Variants in PLCL1 observed in about 807,000 individuals in gnomAD.
PLCL1 encodes the protein inactive phospholipase C-like protein 1.
In PLCL1, 41 loss-of-function variants were observed where a neutral mutation model predicts 84.4. The observed-to-expected ratio is 0.49, with a 90% CI of 0.38 to 0.63. The LOEUF (loss-of-function observed/expected upper bound fraction) is 0.63. PLCL1 is among the 30% of genes least tolerant of loss of function. PLCL1 has a pLI of 0.00. For missense variants in PLCL1, 1,206 were observed against 1,367.8 expected (o/e 0.88, Z 1.87); for synonymous variants, 490 against 488.3 (o/e 1.00, Z -0.05).
chr2:198,032,727 T>C (rs1004959448), intron 1 of PLCL1, among the ~76,000 whole-genome samples: 1 of 152,206 alleles, frequency 6.6e-6, no homozygotes, highest in Non-Finnish European at 1.5e-5. Flanking sequence ...TTTGAAATTT[T>C]ATTTATTCAG....
At chr2:197,967,978 T>C (rs1314468554) in intron 1 of PLCL1, among the ~76,000 whole-genome samples, 2 of 152,146 alleles carry the variant, frequency 1.3e-5, no homozygotes, top group Non-Finnish European at 2.9e-5. Flanking sequence ...TCTAGTAGCT[T>C]CCCCCTGGTG....
chr2:198,131,887 G>A (rs974507221), intron 5 of PLCL1, among the ~76,000 whole-genome samples: 10 of 152,192 alleles, frequency 6.6e-5, no homozygotes, highest in Admixed American at 6.6e-5. Context: ...AGAAAGAAGA[G>A]GAGCCACTGA....
intron 1 of PLCL1, among the ~76,000 whole-genome samples, chr2:197,926,633 A>C (rs1174210272): frequency 6.6e-6 from 1 of 152,226 alleles, no homozygotes. Context: ...TAAGATCAAA[A>C]GTAGTATTTT....
chr2:197,833,642 G>A (rs1351721697), intron 1 of PLCL1, among the ~76,000 whole-genome samples: 1 of 151,912 alleles, frequency 6.6e-6, no homozygotes, highest in Non-Finnish European at 1.5e-5. Flanking sequence ...ACCTCTTCAA[G>A]GAGGACTACA....
intron 1 of PLCL1, among the ~76,000 whole-genome samples, chr2:197,891,426 G>A (rs1688025306): frequency 6.6e-6 from 1 of 152,158 alleles, no homozygotes; most frequent in Non-Finnish European, 1.5e-5. Context: ...GTCAAGGGTG[G>A]GGCCTCAGGT....
intron 1 of PLCL1, among the ~76,000 whole-genome samples, chr2:197,900,331 AT>A (rs1009794897): frequency 6.6e-6 from 1 of 152,232 alleles, no homozygotes; most frequent in Non-Finnish European, 1.5e-5. Context: ...TTTAGGTGAA[AT>A]GGAGCTAAAG....
chr2:198,072,498 C>G (rs1292209020), intron 1 of PLCL1, among the ~76,000 whole-genome samples: 1 of 151,592 alleles, frequency 6.6e-6, no homozygotes, highest in African/African-American at 2.4e-5. Context: ...GCTTAACTAT[C>G]CAAAATTATA....
At chr2:198,016,487 A>G (rs533093536) in intron 1 of PLCL1, among the ~76,000 whole-genome samples, 1 of 152,310 alleles carries the variant, frequency 6.6e-6, no homozygotes, top group South Asian at 2.1e-4. Context: ...GCTGCAGTCT[A>G]GTGGAAATAT....
intron 5 of PLCL1, among the ~76,000 whole-genome samples, chr2:198,116,382 A>T (rs550776736): frequency 6.6e-6 from 1 of 151,940 alleles, no homozygotes; most frequent in African/African-American, 2.4e-5. Flanking sequence ...TCCATACATT[A>T]TTGATACTTT....
chr2:197,980,780 G>C (rs1395510698), intron 1 of PLCL1, among the ~76,000 whole-genome samples: 7 of 152,232 alleles, frequency 4.6e-5, no homozygotes, highest in Admixed American at 3.9e-4. Flanking sequence ...TTATGTGTCA[G>C]GGCCTGTCCT....
At chr2:198,040,464 C>T (rs1162733598) in intron 1 of PLCL1, among the ~76,000 whole-genome samples, 1 of 152,086 alleles carries the variant, frequency 6.6e-6, no homozygotes, top group African/African-American at 2.4e-5. Context: ...TCTTCTTTCT[C>T]CTGGTGGAGA....
chr2:197,985,147 G>C (rs1188949473), intron 1 of PLCL1, among the ~76,000 whole-genome samples: 5 of 152,172 alleles, frequency 3.3e-5, no homozygotes. Flanking sequence ...GGTAGGATCA[G>C]AGCAACCTAG....
chr2:197,818,704 TG>T (rs1690742389), intron 1 of PLCL1, among the ~76,000 whole-genome samples: 1 of 152,068 alleles, frequency 6.6e-6, no homozygotes, highest in African/African-American at 2.4e-5. Flanking sequence ...GGACTGGTAA[TG>T]GTGGCGGCAT....
At chr2:198,077,722 T>C (rs1358243994) in intron 1 of PLCL1, among the ~76,000 whole-genome samples, 3 of 152,192 alleles carry the variant, frequency 2.0e-5, no homozygotes, top group South Asian at 2.1e-4. Flanking sequence ...CAACTTTCCA[T>C]TGGGCAACTT....
At chr2:197,851,990 A>G (rs1328921437) in intron 1 of PLCL1, among the ~76,000 whole-genome samples, 1 of 152,236 alleles carries the variant, frequency 6.6e-6, no homozygotes. Flanking sequence ...CAATTTCCAA[A>G]TAGCTCTCCT....
chr2:197,921,632 C>G (rs1195819739), intron 1 of PLCL1, among the ~76,000 whole-genome samples: 1 of 152,210 alleles, frequency 6.6e-6, no homozygotes, highest in Non-Finnish European at 1.5e-5. Flanking sequence ...ACCAAAATCT[C>G]TATTTTCATG....
intron 1 of PLCL1, among the ~76,000 whole-genome samples, chr2:197,851,861 C>T (rs1687245631): frequency 1.3e-5 from 2 of 152,284 alleles, no homozygotes; most frequent in African/African-American, 4.8e-5. Flanking sequence ...CTCCACCTCA[C>T]CCAAACCCTG....
At chr2:197,874,318 A>C (rs1428364979) in intron 1 of PLCL1, among the ~76,000 whole-genome samples, 1 of 152,140 alleles carries the variant, frequency 6.6e-6, no homozygotes. Flanking sequence ...GTTATAGAAA[A>C]AAGTAACTTT....
chr2:197,940,211 T>C (rs559202411), intron 1 of PLCL1, among the ~76,000 whole-genome samples: 107 of 152,332 alleles, frequency 7.0e-4, no homozygotes, highest in Admixed American at 1.2e-3. Context: ...TTTTAAGGTG[T>C]TATGTTTCAA....
Sources: allele counts gnomAD v4.1 joint callset (sites outside exome capture counted in the v4.1 genomes callset), GRCh38; gene constraint gnomAD v4.1.1; transcripts MANE v1.5; gene names NCBI Gene and HGNC (gene_info 2026-07-23, HGNC 2026-07-21).